CCSER1: variants seen among roughly 807,000 people sequenced by gnomAD.
The protein encoded by CCSER1 is coiled-coil serine rich protein 1.
A neutral mutation model predicts 82.0 loss-of-function variants in CCSER1; 41 were observed. The observed-to-expected ratio is 0.50, with a 90% CI of 0.39 to 0.65. The LOEUF (loss-of-function observed/expected upper bound fraction) is 0.65. CCSER1 is among the 30% of genes least tolerant of loss of function. CCSER1 has a pLI of 0.00. For missense variants in CCSER1, 1,119 were observed against 1,064.2 expected (o/e 1.05, Z -0.72); for synonymous variants, 414 against 383.9 (o/e 1.08, Z -0.92).
At chr4:91,139,783 G>T (rs191056217) in intron 10 of CCSER1, among the ~76,000 whole-genome samples, 39 of 152,176 alleles carry the variant, frequency 2.6e-4, no homozygotes, top group Non-Finnish European at 8.8e-5. Context: ...TCAACAAAAA[G>T]AACAGTGTTT....
chr4:90,198,061 T>C (rs945451548), intron 1 of CCSER1, among the ~76,000 whole-genome samples: 1 of 152,170 alleles, frequency 6.6e-6, no homozygotes, highest in Non-Finnish European at 1.5e-5. Flanking sequence ...ACACCTATTA[T>C]GTACCAACAA....
intron 4 of CCSER1, among the ~76,000 whole-genome samples, chr4:90,430,395 G>A (rs2153566258): frequency 6.6e-6 from 1 of 152,036 alleles, no homozygotes; most frequent in Admixed American, 6.6e-5. Flanking sequence ...CTTTGTAAAT[G>A]TGGAGTCAGT....
intron 5 of CCSER1, among the ~76,000 whole-genome samples, chr4:90,537,195 A>G (rs1392629292): frequency 6.6e-6 from 1 of 152,140 alleles, no homozygotes; most frequent in Non-Finnish European, 1.5e-5. Context: ...ACACTTGTAA[A>G]CATTAGCTTT....
chr4:91,531,127 A>G (rs1054197406), intron 10 of CCSER1, among the ~76,000 whole-genome samples: 6 of 152,328 alleles, frequency 3.9e-5, no homozygotes, highest in African/African-American at 1.4e-4. Context: ...TAGTAATTAG[A>G]CAAAGACATT....
At chr4:91,314,681 C>T (rs6830752) in intron 10 of CCSER1, among the ~76,000 whole-genome samples, 116,414 of 151,816 alleles carry the variant, frequency 0.77, 44,746 homozygotes, top group Middle Eastern at 0.84. Context: ...TCCAAGAGTG[C>T]TCCCTCCCTT....
intron 10 of CCSER1, among the ~76,000 whole-genome samples, chr4:91,178,567 C>T (rs1733656189): frequency 6.6e-6 from 1 of 151,728 alleles, no homozygotes. Flanking sequence ...ATGTAATGGC[C>T]TTCCTTCTCT....
chr4:91,155,179 T>C (rs867486236), intron 10 of CCSER1, among the ~76,000 whole-genome samples: 1 of 151,898 alleles, frequency 6.6e-6, no homozygotes, highest in African/African-American at 2.4e-5. Context: ...AATCTCACCT[T>C]GAATTGTAAT....
At chr4:90,764,238 A>AT (rs1458929608) in intron 7 of CCSER1, among the ~76,000 whole-genome samples, 3 of 152,144 alleles carry the variant, frequency 2.0e-5, no homozygotes, top group African/African-American at 7.2e-5. Context: ...TGATTATTTA[A>AT]TAAAAAAAAG....
At chr4:90,858,194 C>T (rs953741663) in intron 8 of CCSER1, among the ~76,000 whole-genome samples, 2 of 151,944 alleles carry the variant, frequency 1.3e-5, no homozygotes, top group Non-Finnish European at 2.9e-5. Context: ...TATTTCCATC[C>T]TGAAATGGGA....
intron 10 of CCSER1, among the ~76,000 whole-genome samples, chr4:91,214,140 G>A (rs1402292426): frequency 1.3e-5 from 2 of 152,050 alleles, no homozygotes; most frequent in African/African-American, 2.4e-5. Flanking sequence ...AGAAGAGCAG[G>A]TAACAAGGCA....
At chr4:90,590,710 A>G (rs1560772361) in intron 5 of CCSER1, among the ~76,000 whole-genome samples, 2 of 152,168 alleles carry the variant, frequency 1.3e-5, no homozygotes, top group East Asian at 3.9e-4. Context: ...GCCTTGTAGT[A>G]TAGTTTGAAG....
At chr4:90,798,355 A>G (rs1756321000) in intron 7 of CCSER1, among the ~76,000 whole-genome samples, 1 of 151,886 alleles carries the variant, frequency 6.6e-6, no homozygotes, top group African/African-American at 2.4e-5. Flanking sequence ...TATATTGGCT[A>G]TTTTGTCTGT....
At chr4:91,072,361 T>G (rs1272034677) in intron 9 of CCSER1, among the ~76,000 whole-genome samples, 3 of 152,298 alleles carry the variant, frequency 2.0e-5, no homozygotes, top group East Asian at 3.9e-4. Flanking sequence ...GAATCAGGGC[T>G]TCTGGAATTC....
At chr4:90,810,626 C>T (rs1289749286) in intron 7 of CCSER1, among the ~76,000 whole-genome samples, 1 of 149,652 alleles carries the variant, frequency 6.7e-6, no homozygotes, top group Non-Finnish European at 1.5e-5. Context: ...GCCTGGGCAA[C>T]AAGAGCGAGA....
At chr4:90,165,634 G>A (rs1326299094) in intron 1 of CCSER1, among the ~76,000 whole-genome samples, 1 of 152,052 alleles carries the variant, frequency 6.6e-6, no homozygotes, top group African/African-American at 2.4e-5. Flanking sequence ...AAAGACAGAT[G>A]TGTAAATAGA....
At chr4:90,742,422 C>G (rs1219768753) in intron 7 of CCSER1, among the ~76,000 whole-genome samples, 1 of 152,078 alleles carries the variant, frequency 6.6e-6, no homozygotes, top group African/African-American at 2.4e-5. Flanking sequence ...GAAGTCGAGC[C>G]TATTACTATG....
rs770013398 is a variant in CCSER1 at position 91,411,491 on chromosome 4, C to CATATATATATATATATATATATAT, written c.2218-187069_2218-187046dup. Among the ~76,000 whole-genome samples, 218 of 53,564 alleles carry CATATATATATATATATATATATAT rather than the reference C, an allele frequency of 4.1e-3. 19 individuals carry two copies. Among genetic ancestry groups the CATATATATATATATATATATATAT allele is most frequent in the East Asian group, 9.9e-3 (7 of 704 alleles). The allele number at this position is 53,564 out of a possible 152,430, so 35.1% of individuals were successfully genotyped here. ...TAATCACTAAATTTCTGCATATATA[C>CATATATATATATATATATATATAT]ATATATATATATATATATATATATA... On this transcript the variant is annotated intron_variant, in intron 10 of 10. Transcript: ENST00000509176.
At chr4:91,433,725 CA>C (rs1300379643) in intron 10 of CCSER1, among the ~76,000 whole-genome samples, 2 of 152,298 alleles carry the variant, frequency 1.3e-5, no homozygotes, top group East Asian at 3.9e-4. Flanking sequence ...TGTGTAAGTA[CA>C]TCTTATGATA....
chr4:90,863,098 C>A (rs1157329404), intron 8 of CCSER1, among the ~76,000 whole-genome samples: 1 of 151,030 alleles, frequency 6.6e-6, no homozygotes, highest in East Asian at 2.0e-4. Context: ...GCTCCCCCCA[C>A]CCCACAACAG....
Sources: gnomAD v4.1 joint callset for allele counts (sites outside exome capture counted in the v4.1 genomes callset) on GRCh38, gnomAD v4.1.1 for gene constraint, MANE v1.5 for transcripts, NCBI Gene and HGNC (gene_info 2026-07-23, HGNC 2026-07-21) for gene names.